The following WWOX variants were observed in gnomAD, a reference collection of about 807,000 sequenced individuals.
WWOX encodes the protein WW domain-containing oxidoreductase.
Under a neutral mutation model 46.2 loss-of-function variants are expected in WWOX, and 69 were observed. That is an observed-to-expected ratio of 1.49 (90% confidence interval 1.23 to 1.82). The LOEUF (loss-of-function observed/expected upper bound fraction) is 1.82, where lower values mean the gene tolerates loss of function less well. Among genes scored for constraint, WWOX ranks in the 40% most tolerant of loss-of-function variants. The pLI, the probability that WWOX is intolerant of heterozygous loss-of-function variation, is 0.00. For synonymous variants in WWOX, 359 were observed against 202.6 expected, an observed-to-expected ratio of 1.77 and a Z score of -6.56; for missense variants, 919 against 542.6, an observed-to-expected ratio of 1.69 and a Z score of -6.89.
At chr16:78,847,257 G>C (rs936420687) in intron 8 of WWOX, among the ~76,000 whole-genome samples, 7 of 152,088 alleles carry the variant, frequency 4.6e-5, no homozygotes, top group Admixed American at 3.9e-4. Context: ...TCTCAACAGA[G>C]TTTAGAAATA....
At chr16:79,138,489 C>G (rs577378371) in intron 8 of WWOX, among the ~76,000 whole-genome samples, 7 of 152,316 alleles carry the variant, frequency 4.6e-5, no homozygotes, top group African/African-American at 1.4e-4. Flanking sequence ...GAACAACTGC[C>G]TCACTCCTGT....
At chr16:78,798,002 A>C (rs757581792) in intron 8 of WWOX, among the ~76,000 whole-genome samples, 2 of 152,060 alleles carry the variant, frequency 1.3e-5, no homozygotes, top group Non-Finnish European at 2.9e-5. Context: ...AACAAAAGCA[A>C]AGTCTACTAA....
chr16:78,874,137 T>A (rs2044184998), intron 8 of WWOX, among the ~76,000 whole-genome samples: 1 of 151,216 alleles, frequency 6.6e-6, no homozygotes, highest in Non-Finnish European at 1.5e-5. Context: ...ACGTCTGTAA[T>A]CCCAGCTACT....
intron 8 of WWOX, among the ~76,000 whole-genome samples, chr16:79,111,463 A>G (rs138346075): frequency 1.8e-4 from 28 of 152,340 alleles, no homozygotes; most frequent in Admixed American, 5.9e-4. Context: ...CTGAAAATGT[A>G]GACCTAACTG....
chr16:78,229,313 C>A (rs2037170121), intron 5 of WWOX, among the ~76,000 whole-genome samples: 1 of 150,952 alleles, frequency 6.6e-6, no homozygotes, highest in Non-Finnish European at 1.5e-5. Flanking sequence ...CTAGAACCTA[C>A]AATTCCTGAC....
At chr16:78,862,194 CTG>C (rs757695376) in intron 8 of WWOX, among the ~76,000 whole-genome samples, 4 of 151,538 alleles carry the variant, frequency 2.6e-5, no homozygotes, top group Non-Finnish European at 4.4e-5. Context: ...GTGTGTCTGT[CTG>C]TATCTTTACA....
At chr16:78,237,518 C>T (rs2151814917) in intron 5 of WWOX, 1 of 152,294 alleles carries the variant, frequency 6.6e-6, no homozygotes, top group African/African-American at 2.4e-5. Flanking sequence ...TTCACTTGGT[C>T]CCACTCTGGG....
chr16:79,173,977 C>T (rs78945609), intron 8 of WWOX, among the ~76,000 whole-genome samples: 1 of 152,142 alleles, frequency 6.6e-6, no homozygotes, highest in Non-Finnish European at 1.5e-5. Flanking sequence ...ACTTAAAATG[C>T]CTCCCTAGTG....
intron 8 of WWOX, among the ~76,000 whole-genome samples, chr16:78,714,941 G>T (rs2142334559): frequency 6.6e-6 from 1 of 152,304 alleles, no homozygotes; most frequent in African/African-American, 2.4e-5. Flanking sequence ...TGACGTGATT[G>T]TGATATAATA....
At chr16:78,725,970 C>T (rs2048821057) in intron 8 of WWOX, among the ~76,000 whole-genome samples, 1 of 149,142 alleles carries the variant, frequency 6.7e-6, no homozygotes, top group South Asian at 2.2e-4. Context: ...CTTTTCTTCT[C>T]CTCCTCCTTC....
At chr16:78,508,758 A>G (rs58211226) in intron 8 of WWOX, among the ~76,000 whole-genome samples, 2,686 of 152,254 alleles carry the variant, frequency 0.018, 61 homozygotes, top group African/African-American at 0.054. Flanking sequence ...AGATCTGAGC[A>G]CTATGCCTGC....
intron 8 of WWOX, among the ~76,000 whole-genome samples, chr16:78,759,442 T>G (rs566976472): frequency 1.3e-5 from 2 of 152,188 alleles, no homozygotes; most frequent in Non-Finnish European, 2.9e-5. Context: ...CCTGTTGAGT[T>G]AAAATAAGCC....
chr16:79,091,962 G>T (rs2048970888), intron 8 of WWOX, among the ~76,000 whole-genome samples: 1 of 151,706 alleles, frequency 6.6e-6, no homozygotes, highest in African/African-American at 2.4e-5. Context: ...TGTATTTTTA[G>T]TAGAGACGGA....
chr16:78,327,505 TTGTAGA>T (rs2080652204), intron 5 of WWOX, among the ~76,000 whole-genome samples: 1 of 152,186 alleles, frequency 6.6e-6, no homozygotes, highest in Non-Finnish European at 1.5e-5. Flanking sequence ...TCTATCATGC[TTGTAGA>T]ACATGGAGCG....
At chr16:78,930,340 C>G (rs2045596802) in intron 8 of WWOX, among the ~76,000 whole-genome samples, 1 of 147,648 alleles carries the variant, frequency 6.8e-6, no homozygotes, top group African/African-American at 2.5e-5. Context: ...TGCAGTGGCA[C>G]ATTCATGGCT....
chr16:78,585,484 C>G (rs1240291653), intron 8 of WWOX, among the ~76,000 whole-genome samples: 1 of 152,126 alleles, frequency 6.6e-6, no homozygotes, highest in Non-Finnish European at 1.5e-5. Context: ...TTTCACTGGC[C>G]AAAGTACTTG....
At chr16:79,051,604 C>T (rs1326937741) in intron 8 of WWOX, among the ~76,000 whole-genome samples, 2 of 152,190 alleles carry the variant, frequency 1.3e-5, no homozygotes, top group African/African-American at 4.8e-5. Flanking sequence ...CATTAGTGAA[C>T]AGCCAGGCAG....
At position 78,688,623 on chromosome 16, in the gene WWOX, A is replaced by G. The variant is rs78866719; in HGVS notation, c.1056+255871A>G. 8.0e-3 allele frequency among the ~76,000 whole-genome samples: 1,214 copies of G among 152,218 alleles called. 23 individuals are homozygous for G. Among genetic ancestry groups the G allele is most frequent in the African/African-American group, 0.028 (1,150 of 41,536 alleles). On this transcript the variant is annotated intron_variant, in intron 8 of 8. Transcript: ENST00000566780. ...CAGCCACTGCTTCTCTACCGGGGCA[A>G]ATTTTCCCCCAAGGGATAATTGATA...
intron 8 of WWOX, among the ~76,000 whole-genome samples, chr16:78,472,836 A>AATT (rs1421843878): frequency 7.4e-6 from 1 of 135,532 alleles, no homozygotes; most frequent in African/African-American, 2.8e-5. Context: ...AAAAAAAAAA[A>AATT]TTATGTCATT....
Sources: allele counts gnomAD v4.1 joint callset (sites outside exome capture counted in the v4.1 genomes callset), GRCh38; gene constraint gnomAD v4.1.1; transcripts MANE v1.5; gene names NCBI Gene and HGNC (gene_info 2026-07-23, HGNC 2026-07-21).